Variants in HELLS observed in about 807,000 individuals in gnomAD.
HELLS encodes helicase, lymphoid specific, also known as lymphoid-specific helicase.
HELLS carries 32 observed loss-of-function variants against 120.0 expected under a neutral mutation model. The observed-to-expected ratio is 0.27, with a 90% CI of 0.20 to 0.36. The LOEUF is 0.36. HELLS is among the 10% of genes least tolerant of loss of function. HELLS has a pLI of 1.00. For missense variants in HELLS, 650 were observed against 993.4 expected (o/e 0.65, Z 4.65); for synonymous variants, 341 against 323.4 (o/e 1.05, Z -0.58).
downstream of HELLS, among the ~76,000 whole-genome samples, chr10:94,606,425 C>G (rs911382369): frequency 6.6e-6 from 1 of 151,502 alleles, no homozygotes; most frequent in African/African-American, 2.4e-5. Flanking sequence ...TCACTACATT[C>G]TTGAATTTCT....
chr10:94,545,882 C>T lies in HELLS; in HGVS notation c.-40C>T. The T allele has an allele frequency of 6.4e-7, 1 of 1,551,644 alleles. No individual in the cohort carries two copies. Among genetic ancestry groups the T allele is most frequent in the Non-Finnish European group, 8.7e-7 (1 of 1,146,734 alleles). The stretch of plus-strand genomic sequence containing the variant: ...GAGTTAGCTCGCGGCATTGCAGGCT[C>T]TGAGAGGAGGGGACCCGGTTCCCGG... On this transcript the variant is annotated 5_prime_UTR_variant, in exon 1 of 22. Coordinates refer to ENST00000348459, the MANE Select transcript of HELLS (RefSeq NM_018063.5).
At chr10:94,574,484 G>A (rs1360285946) in intron 8 of HELLS, 70 bp from the exon 9 acceptor site, 1 of 1,170,142 alleles carries the variant, frequency 8.5e-7, no homozygotes, top group Non-Finnish European at 1.2e-6. Flanking sequence ...TTAAAGAGAA[G>A]AAATAAAATA....
At chr10:94,572,317 G>A (rs1844219256) in intron 7 of HELLS, among the ~76,000 whole-genome samples, 1 of 152,026 alleles carries the variant, frequency 6.6e-6, no homozygotes, top group Admixed American at 6.6e-5. Context: ...AATGAATTTC[G>A]ACACTTGCAT....
intron 21 of HELLS, among the ~76,000 whole-genome samples, chr10:94,598,828 T>A (rs1036237606): frequency 5.9e-5 from 9 of 152,142 alleles, no homozygotes; most frequent in African/African-American, 2.2e-4. Context: ...TTAATAGTTT[T>A]ATAGTTTTTG....
intron 3 of HELLS, among the ~76,000 whole-genome samples, chr10:94,556,874 T>C (rs1313654130): frequency 6.6e-6 from 1 of 152,258 alleles, no homozygotes; most frequent in Admixed American, 6.5e-5. Context: ...AATGTCTATA[T>C]GTCTGTAAGC....
chr10:94,546,077 G>A, intron 1 of HELLS, 125 bp downstream of exon 1: 3 of 1,175,722 alleles, frequency 2.6e-6, no homozygotes, highest in South Asian at 1.4e-5. Context: ...AGGAAAGGAG[G>A]GTTGGGAAAC....
chr10:94,571,577 C>A, intron 7 of HELLS, 148 bp downstream of exon 7: 1 of 572,862 alleles, frequency 1.7e-6, no homozygotes, highest in Non-Finnish European at 2.8e-6. Flanking sequence ...TTCACTTCTT[C>A]CATATCCAAC....
At chr10:94,586,450 T>G (rs994248793) in intron 12 of HELLS, among the ~76,000 whole-genome samples, 6 of 152,152 alleles carry the variant, frequency 3.9e-5, no homozygotes, top group Non-Finnish European at 5.9e-5. Flanking sequence ...TATGAAACAT[T>G]TACATATTTT....
chr10:94,610,863 T>G (rs1446230357), exon 10 of HELLS: 1 of 152,284 alleles, frequency 6.6e-6, no homozygotes, highest in Non-Finnish European at 1.5e-5. Context: ...GTGCTGTGAT[T>G]ACAGGGTGTG....
intron 21 of HELLS, among the ~76,000 whole-genome samples, chr10:94,599,036 A>G (rs1296258632): frequency 6.6e-6 from 1 of 152,132 alleles, no homozygotes; most frequent in Non-Finnish European, 1.5e-5. Flanking sequence ...TTCCTATGCC[A>G]GTATCGCACT....
Position 94,545,948 on chromosome 10 carries a change from C to T in HELLS, c.27C>T (p.Ser9=). MPAERPAG[S]GGSEAPAMVE... ...TGCCAGCGGAACGGCCCGCGGGCAG[C>T]GGCGGTGAGTGAGGAAAACCTTTTG... Residue 9 remains serine (S), a synonymous_variant, in exon 1 of 22, where the codon AGC becomes AGT. Coordinates refer to ENST00000348459, the MANE Select transcript of HELLS (RefSeq NM_018063.5). 4 of 1,555,992 alleles carry T rather than the reference C, an allele frequency of 2.6e-6. No individual in the cohort carries two copies. The highest frequency in any genetic ancestry group is 3.5e-6 in the Non-Finnish European group (4 of 1,149,214).
intron 13 of HELLS, 108 bp from the exon 14 acceptor site, chr10:94,590,305 G>T: frequency 1.1e-6 from 1 of 911,614 alleles, no homozygotes; most frequent in Non-Finnish European, 1.6e-6. Context: ...ATTTGTATTT[G>T]TCTATAGATT....
Position 94,601,798 on chromosome 10 carries a change from A to G in HELLS, c.*176A>G, listed in dbSNP as rs1217772407. The G allele has an allele frequency of 2.3e-6, 1 of 435,486 alleles. No homozygotes were observed. The highest frequency in any genetic ancestry group is 4.1e-6 in the Non-Finnish European group (1 of 246,390). The allele number at this position is 435,486 out of a possible 1,614,324, so 27.0% of individuals were successfully genotyped here. On this transcript the variant is annotated 3_prime_UTR_variant, in exon 22 of 22. Coordinates refer to ENST00000348459, the MANE Select transcript of HELLS (RefSeq NM_018063.5). Reference sequence around the variant, plus strand: ...TTCTGAGCCTTACCAAGAACAAAGAAGTATCCATATTAAGTTTAGATTTTC... The same window carrying G: ...TTCTGAGCCTTACCAAGAACAAAGAGGTATCCATATTAAGTTTAGATTTTC...
chr10:94,596,566 G>T (rs1444861014), intron 19 of HELLS, among the ~76,000 whole-genome samples: 1 of 151,942 alleles, frequency 6.6e-6, no homozygotes. Flanking sequence ...TCTAGATTCT[G>T]GTTATTATGA....
At chr10:94,549,408 T>C (rs969557156) in intron 2 of HELLS, among the ~76,000 whole-genome samples, 30 of 152,234 alleles carry the variant, frequency 2.0e-4, no homozygotes, top group African/African-American at 7.2e-4. Flanking sequence ...TTGACATTCA[T>C]TGGCTACAGT....
At chr10:94,546,046 G>C (rs1842739752) in intron 1 of HELLS, 94 bp downstream of exon 1, 1 of 1,409,040 alleles carries the variant, frequency 7.1e-7, no homozygotes, top group Non-Finnish European at 9.8e-7. Flanking sequence ...GGAGGGAGCC[G>C]ACCCCGGGCA....
chr10:94,583,899 C>T (rs1398274003), intron 12 of HELLS: 2 of 416,796 alleles, frequency 4.8e-6, no homozygotes, highest in Non-Finnish European at 8.5e-6. Flanking sequence ...TCTATCTCTT[C>T]CTCTTTTCAA....
In HELLS at chr10:94,562,720, G is replaced by A; in HGVS notation, c.363G>A (p.Glu121=). Residue 121 remains glutamate, a synonymous_variant, in exon 5 of 22, where the codon GAG becomes GAA. Coordinates refer to ENST00000348459, the MANE Select transcript of HELLS (RefSeq NM_018063.5). ...KGKNSIDASE[E]KPVMRKKRGR... ...AAAATTCAATTGATGCAAGTGAAGA[G>A]AAGCCAGGTAAATATCCTTATTCTA... 1 of 1,589,534 alleles carries A rather than the reference G, an allele frequency of 6.3e-7. No individual in the cohort carries two copies. Among genetic ancestry groups the A allele is most frequent in the Non-Finnish European group, 8.6e-7 (1 of 1,163,760 alleles).
intron 12 of HELLS, among the ~76,000 whole-genome samples, chr10:94,587,520 CA>C (rs1343278315): frequency 6.6e-6 from 1 of 152,124 alleles, no homozygotes; most frequent in Admixed American, 6.5e-5. Flanking sequence ...CTCTGCCTTC[CA>C]GGTTCAAACA....
Sources: allele counts gnomAD v4.1 joint callset (sites outside exome capture counted in the v4.1 genomes callset), GRCh38; gene constraint gnomAD v4.1.1; transcripts MANE v1.5; gene names NCBI Gene and HGNC (gene_info 2026-07-23, HGNC 2026-07-21).